Variants in PNPT1 observed in about 807,000 individuals in gnomAD.
The protein encoded by PNPT1 is polyribonucleotide nucleotidyltransferase 1.
PNPT1 carries 53 observed loss-of-function variants against 119.5 expected under a neutral mutation model. That is an observed-to-expected ratio of 0.44 (90% CI 0.36 to 0.56). The LOEUF is 0.56. Ranked by LOEUF, PNPT1 falls within the 20% of genes least tolerant of loss-of-function variation. The probability of loss-of-function intolerance (pLI) is 0.00; values close to 1 mark genes in which losing one functional copy is unlikely to be tolerated. For missense variants in PNPT1, 948 were observed against 938.5 expected (o/e 1.01, Z -0.13); for synonymous variants, 357 against 322.1 (o/e 1.11, Z -1.16).
At chr2:55,640,105 A>G (rs1394917881) in intron 26 of PNPT1, among the ~76,000 whole-genome samples, 4 of 152,018 alleles carry the variant, frequency 2.6e-5, no homozygotes, top group Non-Finnish European at 5.9e-5. Flanking sequence ...CCGGTAATAT[A>G]CTATTTTATT....
intron 8 of PNPT1, among the ~76,000 whole-genome samples, chr2:55,676,234 G>A (rs1480978952): frequency 2.0e-5 from 3 of 146,536 alleles, no homozygotes; most frequent in African/African-American, 7.7e-5. Flanking sequence ...ACTCCAGCCT[G>A]GGCGACAGAG....
chr2:55,645,101 G>T, intron 22 of PNPT1: 1 of 286,606 alleles, frequency 3.5e-6, no homozygotes, highest in Non-Finnish European at 6.4e-6. Context: ...TCGGCTCACT[G>T]CAAGCTCCGC....
At chr2:55,675,163 G>A (rs1697025205) in intron 8 of PNPT1, among the ~76,000 whole-genome samples, 1 of 152,086 alleles carries the variant, frequency 6.6e-6, no homozygotes, top group Admixed American at 6.6e-5. Context: ...AGCTATTCTA[G>A]AGGCTGAGGC....
chr2:55,666,622 T>C (rs939801482), intron 13 of PNPT1, among the ~76,000 whole-genome samples: 2 of 152,160 alleles, frequency 1.3e-5, no homozygotes, highest in Admixed American at 1.3e-4. Flanking sequence ...GGAGGATTGC[T>C]TGAGGCCAAG....
At chr2:55,672,762 A>G in intron 9 of PNPT1, 131 bp downstream of exon 9, 1 of 811,224 alleles carries the variant, frequency 1.2e-6, no homozygotes, top group Non-Finnish European at 1.9e-6. Context: ...ATTTATGGGA[A>G]TGACTCTTAA....
intron 9 of PNPT1, 89 bp downstream of exon 9, chr2:55,672,804 T>G: frequency 8.2e-7 from 1 of 1,213,620 alleles, no homozygotes; most frequent in Non-Finnish European, 1.2e-6. Flanking sequence ...AAGTAATGCA[T>G]GGGCAGTGCT....
Position 55,680,898 on chromosome 2 carries a change from T to C in PNPT1, c.474A>G (p.Ala158=). 6.2e-7 allele frequency: 1 copy of C among 1,614,046 alleles called. No homozygotes were observed. The highest frequency in any genetic ancestry group is 8.5e-7 in the Non-Finnish European group (1 of 1,179,930). Residue 158 remains alanine (A), a synonymous_variant, in exon 6 of 28, where the codon GCA becomes GCG. Transcript: ENST00000447944. ...CATCAGGCTCATTTACACCATCTAC[T>C]GCTAACAGATTACACAGAACCTGGT... is the stretch of plus-strand genomic sequence containing the variant. ...YDTQVLCNLL[A]VDGVNEPDVL... is the part of the protein sequence containing the mutation.
chr2:55,637,558 T>G lies in PNPT1; in HGVS notation c.2190A>C (p.Glu730Asp). The stretch of plus-strand genomic sequence containing the variant: ...AAAGGTGGAATACAAATACCTGAAT[T>G]TCTTGGCCAACTTCTAATCCTAGGG... ...PTALGLEVGQEIQVKYFGRDP... is the reference protein window; with the variant it reads ...PTALGLEVGQDIQVKYFGRDP... Residue 730 changes from glutamate to aspartate, a missense_variant, in exon 27 of 28, where the codon GAA becomes GAC. Transcript: ENST00000447944. 1.9e-6 allele frequency: 3 copies of G among 1,602,764 alleles called. No individual in the cohort carries two copies. The highest frequency in any genetic ancestry group is 1.7e-6 in the Non-Finnish European group (2 of 1,169,730).
At chr2:55,637,687 G>A (rs1405143029) in intron 26 of PNPT1, 88 bp from the exon 27 acceptor site, 6 of 1,170,850 alleles carry the variant, frequency 5.1e-6, no homozygotes, top group East Asian at 2.4e-5. Context: ...AGCTTTATTA[G>A]TTTTTCTGAT....
intron 4 of PNPT1, among the ~76,000 whole-genome samples, chr2:55,684,255 G>T (rs978757005): frequency 2.6e-5 from 4 of 152,322 alleles, no homozygotes; most frequent in Non-Finnish European, 4.4e-5. Context: ...CACTTGGGAG[G>T]CTGAGGCGGG....
At chr2:55,644,005 T>C (rs1441337852) in intron 23 of PNPT1, among the ~76,000 whole-genome samples, 1 of 152,198 alleles carries the variant, frequency 6.6e-6, no homozygotes, top group Non-Finnish European at 1.5e-5. Context: ...AATATATCTA[T>C]ACAAATTTTG....
intron 1 of PNPT1, among the ~76,000 whole-genome samples, chr2:55,689,818 T>A (rs1697533289): frequency 6.6e-6 from 1 of 152,186 alleles, no homozygotes; most frequent in Non-Finnish European, 1.5e-5. Flanking sequence ...GTACACTTTA[T>A]TTATCTGTAT....
At chr2:55,690,401 T>C (rs969644775) in intron 1 of PNPT1, among the ~76,000 whole-genome samples, 12 of 152,330 alleles carry the variant, frequency 7.9e-5, no homozygotes, top group Admixed American at 7.2e-4. Flanking sequence ...CAACATTCTA[T>C]CATAGTCTGG....
At chr2:55,648,131 G>A (rs891835031) in intron 18 of PNPT1, among the ~76,000 whole-genome samples, 1 of 152,164 alleles carries the variant, frequency 6.6e-6, no homozygotes, top group Non-Finnish European at 1.5e-5. Flanking sequence ...CCCCATGGCA[G>A]CTAACATTAG....
intron 8 of PNPT1, among the ~76,000 whole-genome samples, chr2:55,677,090 A>G (rs1697096633): frequency 6.6e-6 from 1 of 152,226 alleles, no homozygotes; most frequent in Non-Finnish European, 1.5e-5. Context: ...ATAGTGATGC[A>G]AAAGTCATAA....
intron 25 of PNPT1, among the ~76,000 whole-genome samples, chr2:55,641,156 G>A (rs1327101026): frequency 1.3e-5 from 2 of 152,108 alleles, no homozygotes; most frequent in African/African-American, 2.4e-5. Flanking sequence ...CCCGAAAGGC[G>A]GAGGTGGCAG....
chr2:55,670,163 TG>T (rs1174960340), intron 11 of PNPT1, among the ~76,000 whole-genome samples: 5 of 151,996 alleles, frequency 3.3e-5, no homozygotes, highest in Non-Finnish European at 7.4e-5. Flanking sequence ...TGTGTGAGGT[TG>T]GTATTATTAC....
At chr2:55,651,609 T>A (rs1262151936) in intron 18 of PNPT1, among the ~76,000 whole-genome samples, 1 of 151,320 alleles carries the variant, frequency 6.6e-6, no homozygotes, top group Admixed American at 6.6e-5. Flanking sequence ...CACTCCCTAA[T>A]CTCAAGTACC....
chr2:55,652,159 C>T (rs1025343980), intron 18 of PNPT1, among the ~76,000 whole-genome samples: 10 of 150,046 alleles, frequency 6.7e-5, no homozygotes, highest in African/African-American at 1.9e-4. Context: ...ATTATTACCT[C>T]TTCAATCTAT....
Sources: gnomAD v4.1 joint callset for allele counts (sites outside exome capture counted in the v4.1 genomes callset) on GRCh38, gnomAD v4.1.1 for gene constraint, MANE v1.5 for transcripts, NCBI Gene and HGNC (gene_info 2026-07-23, HGNC 2026-07-21) for gene names.